Variants in HPSE2 observed in about 807,000 individuals in gnomAD.
The protein encoded by HPSE2 is heparanase 2 (inactive).
Under a neutral mutation model 60.5 loss-of-function variants are expected in HPSE2, and 38 were observed. The observed-to-expected ratio is 0.63, with a 90% CI of 0.48 to 0.82. The LOEUF is 0.82. Among genes scored for constraint, HPSE2 ranks in the 40% least tolerant of loss-of-function variants. HPSE2 has a pLI of 0.00. For synonymous variants in HPSE2, 295 were observed against 293.2 expected, an observed-to-expected ratio of 1.01 and a Z score of -0.06; for missense variants, 713 against 740.4, an observed-to-expected ratio of 0.96 and a Z score of 0.43.
intron 3 of HPSE2, among the ~76,000 whole-genome samples, chr10:98,865,377 T>C (rs1352683244): frequency 6.6e-6 from 1 of 152,144 alleles, no homozygotes; most frequent in Non-Finnish European, 1.5e-5. Context: ...TATGAAATAA[T>C]GGTTTCCAAA....
At chr10:99,132,438 G>A (rs1015303409) in intron 3 of HPSE2, among the ~76,000 whole-genome samples, 1 of 152,076 alleles carries the variant, frequency 6.6e-6, no homozygotes, top group African/African-American at 2.4e-5. Context: ...GAGGCTGAAT[G>A]GGGGATTGCT....
At chr10:98,598,782 G>A (rs1945317813) in intron 9 of HPSE2, among the ~76,000 whole-genome samples, 1 of 152,088 alleles carries the variant, frequency 6.6e-6, no homozygotes, top group Admixed American at 6.5e-5. Context: ...GGACTGGCCT[G>A]GATCCTGGGG....
At chr10:98,617,764 A>G (rs1945954635) in intron 8 of HPSE2, among the ~76,000 whole-genome samples, 1 of 152,246 alleles carries the variant, frequency 6.6e-6, no homozygotes, top group Admixed American at 6.5e-5. Flanking sequence ...ACTAAAGGTG[A>G]ATATCTACTA....
chr10:99,129,000 C>T (rs1265368879), intron 3 of HPSE2, among the ~76,000 whole-genome samples: 1 of 152,028 alleles, frequency 6.6e-6, no homozygotes, highest in Non-Finnish European at 1.5e-5. Flanking sequence ...GGAGTAGCTA[C>T]TCTTATATCG....
rs1317268636 is a variant in HPSE2, at chr10:98,851,067, A to G, written c.611-107011T>C. On this transcript the variant is annotated intron_variant, in intron 3 of 11. Coordinates refer to ENST00000370552, the MANE Select transcript of HPSE2 (RefSeq NM_021828.5). ...TGAAACTAAACATCTGAAAACTAAC[A>G]GTTTGTATTTTTGAGATTATTCCAC... Among the ~76,000 whole-genome samples, 3 of 152,368 alleles carry G rather than the reference A, an allele frequency of 2.0e-5. No homozygotes were observed. In the East Asian group the frequency reaches 5.8e-4, roughly 29 times the overall value.
At chr10:98,632,756 A>G (rs1488802339) in intron 7 of HPSE2, among the ~76,000 whole-genome samples, 1 of 152,186 alleles carries the variant, frequency 6.6e-6, no homozygotes, top group African/African-American at 2.4e-5. Context: ...AAATATTTAC[A>G]TAATTTGCAG....
chr10:99,107,257 C>T (rs1261062341), intron 3 of HPSE2, among the ~76,000 whole-genome samples: 3 of 152,178 alleles, frequency 2.0e-5, no homozygotes, highest in Non-Finnish European at 2.9e-5. Flanking sequence ...ATAGTTTAGA[C>T]ATCTTTTGAA....
chr10:99,167,540 T>G (rs1014336876), intron 2 of HPSE2, among the ~76,000 whole-genome samples: 2 of 152,258 alleles, frequency 1.3e-5, no homozygotes, highest in African/African-American at 2.4e-5. Context: ...TGCACTGAGT[T>G]GCCTTTGCAT....
intron 10 of HPSE2, among the ~76,000 whole-genome samples, chr10:98,483,005 T>C (rs990095179): frequency 1.3e-5 from 2 of 152,232 alleles, no homozygotes; most frequent in Admixed American, 6.5e-5. Flanking sequence ...TTTAAATTTA[T>C]TGCAATGATT....
chr10:98,752,636 T>C (rs1253746335), intron 3 of HPSE2, among the ~76,000 whole-genome samples: 1 of 151,958 alleles, frequency 6.6e-6, no homozygotes, highest in Non-Finnish European at 1.5e-5. Flanking sequence ...CTTGAAAGGG[T>C]ATAGGGGACA....
chr10:98,803,694 T>G (rs1950972771), intron 3 of HPSE2, among the ~76,000 whole-genome samples: 2 of 150,750 alleles, frequency 1.3e-5, no homozygotes, highest in Admixed American at 1.3e-4. Flanking sequence ...TCTGTTTTGG[T>G]ACCAGTAGCA....
intron 9 of HPSE2, among the ~76,000 whole-genome samples, chr10:98,545,714 C>T (rs1201168440): frequency 6.6e-6 from 1 of 151,896 alleles, no homozygotes; most frequent in Non-Finnish European, 1.5e-5. Context: ...TGGGCAAAAA[C>T]TGGAAGCATT....
chr10:99,303,584 G>A, the HPSE2 span, among the ~76,000 whole-genome samples: 2 of 152,188 alleles, frequency 1.3e-5, no homozygotes, highest in African/African-American at 4.8e-5. Flanking sequence ...CCACACTACT[G>A]TTAAACTTCA....
In HPSE2 at chr10:98,970,451, C is replaced by T. The variant is rs149012811; in HGVS notation, c.610+173787G>A. Among the ~76,000 whole-genome samples, 1,161 of 152,186 alleles carry T rather than the reference C, an allele frequency of 7.6e-3. 13 individuals are homozygous for T. The highest frequency in any genetic ancestry group is 8.0e-3 in the Non-Finnish European group (542 of 67,996). ...ATTTGGAGCGGACACATATTCAAAC[C>T]GTATCAGGTCCTTTGCAACACTGAC... On this transcript the variant is annotated intron_variant, in intron 3 of 11. Transcript: ENST00000370552.
intron 9 of HPSE2, among the ~76,000 whole-genome samples, chr10:98,607,419 A>G (rs1002590990): frequency 1.3e-5 from 2 of 152,146 alleles, no homozygotes; most frequent in African/African-American, 4.8e-5. Context: ...GATTCACATA[A>G]TGTGCTGTCA....
At chr10:98,966,017 A>G (rs1177485158) in intron 3 of HPSE2, among the ~76,000 whole-genome samples, 1 of 151,980 alleles carries the variant, frequency 6.6e-6, no homozygotes, top group Non-Finnish European at 1.5e-5. Context: ...CAGCCTCCTG[A>G]GTAGCTGGGG....
chr10:99,171,316 C>T (rs958351744), intron 2 of HPSE2, among the ~76,000 whole-genome samples: 7 of 152,154 alleles, frequency 4.6e-5, no homozygotes, highest in Non-Finnish European at 8.8e-5. Context: ...ACTACATTAA[C>T]TAAAGTTATT....
At chr10:98,594,707 A>T (rs1232451241) in intron 9 of HPSE2, among the ~76,000 whole-genome samples, 1 of 152,112 alleles carries the variant, frequency 6.6e-6, no homozygotes, top group Admixed American at 6.5e-5. Flanking sequence ...TCATCTGTTG[A>T]TGGACACTTA....
chr10:98,830,571 G>A (rs1323343240), intron 3 of HPSE2, among the ~76,000 whole-genome samples: 1 of 152,166 alleles, frequency 6.6e-6, no homozygotes, highest in African/African-American at 2.4e-5. Context: ...AATTATGCTT[G>A]ATAGCTACTA....
Sources: gnomAD v4.1 joint callset for allele counts (sites outside exome capture counted in the v4.1 genomes callset) on GRCh38, gnomAD v4.1.1 for gene constraint, MANE v1.5 for transcripts, NCBI Gene and HGNC (gene_info 2026-07-23, HGNC 2026-07-21) for gene names.